The following FBXO15 variants were observed in gnomAD, a reference collection of about 807,000 sequenced individuals.
FBXO15 encodes the protein F-box protein 15.
A neutral mutation model predicts 49.5 loss-of-function variants in FBXO15; 30 were observed. The observed-to-expected ratio is 0.61, with a 90% confidence interval of 0.45 to 0.82. FBXO15 has a LOEUF of 0.82. Among genes scored for constraint, FBXO15 ranks in the 40% least tolerant of loss-of-function variants. FBXO15 has a pLI of 0.00. For synonymous variants in FBXO15, 250 were observed against 232.7 expected, an observed-to-expected ratio of 1.07 and a Z score of -0.68; for missense variants, 591 against 631.5, an observed-to-expected ratio of 0.94 and a Z score of 0.69.
chr18:74,087,467 A>G (rs141195045), intron 8 of FBXO15, among the ~76,000 whole-genome samples: 7 of 152,234 alleles, frequency 4.6e-5, no homozygotes, highest in Admixed American at 1.3e-4. Context: ...TTTAGCTTTC[A>G]CTTATAAGTA....
At chr18:74,096,148 A>C (rs1337206475) in intron 8 of FBXO15, among the ~76,000 whole-genome samples, 10 of 152,172 alleles carry the variant, frequency 6.6e-5, no homozygotes, top group Admixed American at 6.5e-4. Flanking sequence ...TCCCTACTTT[A>C]AGCCATGGGA....
chr18:74,121,074 A>G (rs531127010), intron 8 of FBXO15, among the ~76,000 whole-genome samples: 1 of 152,312 alleles, frequency 6.6e-6, no homozygotes, highest in East Asian at 1.9e-4. Flanking sequence ...CTTAGATAAA[A>G]TGGACAAATT....
intron 8 of FBXO15, among the ~76,000 whole-genome samples, chr18:74,109,201 C>A (rs1361093651): frequency 6.6e-6 from 1 of 152,138 alleles, no homozygotes; most frequent in Admixed American, 6.5e-5. Flanking sequence ...CAAAAGAAGA[C>A]ATTTATACAG....
intron 8 of FBXO15, among the ~76,000 whole-genome samples, chr18:74,118,852 A>T (rs1414525854): frequency 6.6e-6 from 1 of 152,212 alleles, no homozygotes; most frequent in Non-Finnish European, 1.5e-5. Context: ...ACTCTGCCAG[A>T]CGTTGAATTT....
intron 8 of FBXO15, among the ~76,000 whole-genome samples, chr18:74,091,572 G>A (rs1473542207): frequency 6.6e-6 from 1 of 152,196 alleles, no homozygotes; most frequent in African/African-American, 2.4e-5. Flanking sequence ...CTCTTGTAAG[G>A]CAGGTCTGAT....
intron 5 of FBXO15, among the ~76,000 whole-genome samples, chr18:74,126,357 A>G (rs944441396): frequency 1.3e-5 from 2 of 152,196 alleles, no homozygotes; most frequent in Non-Finnish European, 2.9e-5. Flanking sequence ...GCCGGGAGGA[A>G]GTTGAAGGAC....
chr18:74,126,852 C>T (rs1369073419), intron 5 of FBXO15, among the ~76,000 whole-genome samples: 1 of 152,266 alleles, frequency 6.6e-6, no homozygotes, highest in African/African-American at 2.4e-5. Flanking sequence ...AGATCCGCAG[C>T]TGCCACATGA....
chr18:74,111,661 G>A lies in FBXO15; in HGVS notation c.1138+11707C>T, dbSNP rs556157223. Among the ~76,000 whole-genome samples the A allele has an allele frequency of 1.6e-4, 24 of 150,512 alleles. 1 individual carries two copies. In the South Asian group the frequency reaches 5.0e-3, roughly 31 times the overall value. On this transcript the variant is annotated intron_variant, in intron 8 of 9. Transcript: ENST00000419743. ...TGTGAGCAAATTAAATCCAAACTAA[G>A]AAGAAAAAAAAGAAATAATAAAAAT...
chr18:74,141,792 C>G (rs1197016368), intron 1 of FBXO15, among the ~76,000 whole-genome samples: 1 of 152,188 alleles, frequency 6.6e-6, no homozygotes, highest in Non-Finnish European at 1.5e-5. Flanking sequence ...AGCCTGGAGC[C>G]TACCGCAAGA....
intron 4 of FBXO15, 106 bp downstream of exon 4, chr18:74,130,310 A>T (rs924721862): frequency 5.1e-5 from 74 of 1,438,050 alleles, no homozygotes; most frequent in Non-Finnish European, 6.5e-5. Context: ...CACAAAACAC[A>T]CAAAAATACT....
chr18:74,139,000 C>T (rs937649140), intron 2 of FBXO15, among the ~76,000 whole-genome samples: 1 of 152,158 alleles, frequency 6.6e-6, no homozygotes, highest in African/African-American at 2.4e-5. Context: ...CTGGTAGCCC[C>T]ACCTGATGGG....
Position 74,130,586 on chromosome 18 carries a change from C to A in FBXO15, c.405G>T (p.Glu135Asp). The part of the protein sequence containing the change: ...ARSNWKFNSV[E>D]KIAMSMSFLS... ...GAAAGCTCATAGACATAGCTATCTT[C>A]TCTACTGAATTAAATTTCCAATTTG... Residue 135 changes from glutamate to aspartate, a missense_variant, in exon 4 of 10, where the codon GAG (glutamate) becomes GAT (aspartate). Glu to Asp is a conservative substitution (Grantham distance 45). Transcript: ENST00000419743. 1 of 1,614,116 alleles carries A rather than the reference C, an allele frequency of 6.2e-7. No homozygotes were observed. The highest frequency in any genetic ancestry group is 8.5e-7 in the Non-Finnish European group (1 of 1,180,008).
rs1912219862 is a variant in FBXO15, at chr18:74,075,442, T to C, written c.1264-1712A>G. On this transcript the variant is annotated intron_variant, in intron 9 of 9. Coordinates refer to ENST00000419743, the MANE Select transcript of FBXO15 (RefSeq NM_001142958.2). This position sits in a 1 kb window ranked among gnomAD's most constrained non-coding sequence, Gnocchi z 4.1. The stretch of plus-strand genomic sequence containing the variant: ...CTACTTCTGTCCTCCCATCAGCTTT[T>C]AGTCTTTAACACATTCAAGTAACTC... 6.6e-6 allele frequency among the ~76,000 whole-genome samples: 1 copy of C among 152,192 alleles called. No individual in the cohort carries two copies. Among genetic ancestry groups the C allele is most frequent in the South Asian group, 2.1e-4 (1 of 4,822 alleles).
chr18:74,108,276 T>C (rs778056936), intron 8 of FBXO15, among the ~76,000 whole-genome samples: 4 of 151,806 alleles, frequency 2.6e-5, no homozygotes, highest in Admixed American at 6.6e-5. Context: ...GACTAAGGAC[T>C]GTAAGAGATA....
At chr18:74,118,009 C>CTT (rs35355168) in intron 8 of FBXO15, among the ~76,000 whole-genome samples, 16 of 141,300 alleles carry the variant, frequency 1.1e-4, no homozygotes, top group East Asian at 6.3e-4. Flanking sequence ...ATACATATTT[C>CTT]TTTTTTTTTT....
chr18:74,130,291 T>G (rs1249161043), intron 4 of FBXO15, 125 bp downstream of exon 4: 1 of 1,323,478 alleles, frequency 7.6e-7, no homozygotes, highest in African/African-American at 1.5e-5. Context: ...GATACATATT[T>G]TATAGATGCA....
rs758806039 is a variant in FBXO15 at position 74,074,486 on chromosome 18, C to T, written c.1264-756G>A. 2.6e-5 allele frequency among the ~76,000 whole-genome samples: 4 copies of T among 152,164 alleles called. No homozygotes were observed. Among genetic ancestry groups the T allele is most frequent in the African/African-American group, 4.8e-5 (2 of 41,442 alleles). Reference sequence around the variant, plus strand: ...TTATTCACTCCCACAGTCACATGGCCGACACAGCACTTCCCGGAAGTGGTC... The same window carrying T: ...TTATTCACTCCCACAGTCACATGGCTGACACAGCACTTCCCGGAAGTGGTC... On this transcript the variant is annotated intron_variant, in intron 9 of 9. Coordinates refer to ENST00000419743, the MANE Select transcript of FBXO15 (RefSeq NM_001142958.2). This position sits in a 1 kb window ranked among gnomAD's most constrained non-coding sequence, Gnocchi z 4.7.
chr18:74,125,125 A>AC (rs899837008), intron 6 of FBXO15, among the ~76,000 whole-genome samples: 7 of 152,230 alleles, frequency 4.6e-5, no homozygotes, highest in East Asian at 3.9e-4. Context: ...GGCATAGGTG[A>AC]CCCCCAAATG....
rs1029438817 is a variant in FBXO15, at chr18:74,075,058, C to T, written c.1264-1328G>A. The stretch of plus-strand genomic sequence containing the variant: ...GTCTGGACCTGAGCACCAAGCACAG[C>T]GGGAGGGCTGCACGCAGAGCTGCTG... On this transcript the variant is annotated intron_variant, in intron 9 of 9. Coordinates refer to ENST00000419743, the MANE Select transcript of FBXO15 (RefSeq NM_001142958.2). The surrounding 1 kb of genome is among the most constrained non-coding windows in gnomAD (Gnocchi z 4.1). Among the ~76,000 whole-genome samples, 6 of 152,194 alleles carry T rather than the reference C, an allele frequency of 3.9e-5. No individual in the cohort carries two copies. The highest frequency in any genetic ancestry group is 7.3e-5 in the Non-Finnish European group (5 of 68,028).
Sources: gnomAD v4.1 joint callset for allele counts (sites outside exome capture counted in the v4.1 genomes callset) on GRCh38, gnomAD v4.1.1 for gene constraint, Gnocchi (gnomAD v3.1) non-coding constraint, MANE v1.5 for transcripts, NCBI Gene and HGNC (gene_info 2026-07-23, HGNC 2026-07-21) for gene names.